The following EEFSEC variants were observed in gnomAD, a reference collection of about 807,000 sequenced individuals.
The protein encoded by EEFSEC is selenocysteine-specific elongation factor.
A neutral mutation model predicts 42.1 loss-of-function variants in EEFSEC; 43 were observed. The observed-to-expected ratio is 1.02, with a 90% CI of 0.80 to 1.32. EEFSEC has a LOEUF of 1.32. Among genes scored for constraint, EEFSEC ranks in the 40% most tolerant of loss-of-function variants. The probability of loss-of-function intolerance (pLI) is 0.00; values close to 1 mark genes in which losing one functional copy is unlikely to be tolerated. For missense variants in EEFSEC, 745 were observed against 803.6 expected (o/e 0.93, Z 0.88); for synonymous variants, 354 against 339.1 (o/e 1.04, Z -0.48).
intron 6 of EEFSEC, among the ~76,000 whole-genome samples, chr3:128,365,224 G>A (rs577149442): frequency 2.0e-5 from 3 of 152,352 alleles, no homozygotes; most frequent in South Asian, 2.1e-4. Context: ...CCTGGGTGGG[G>A]AGGGGGCTCC....
intron 4 of EEFSEC, among the ~76,000 whole-genome samples, chr3:128,308,796 T>G (rs1240892675): frequency 1.3e-5 from 2 of 152,080 alleles, no homozygotes; most frequent in Non-Finnish European, 2.9e-5. Context: ...TGGAAATGGG[T>G]CCTGTGCCCT....
Position 128,262,160 on chromosome 3 carries a change from C to T in EEFSEC, c.557C>T (p.Ala186Val), listed in dbSNP as rs1213363732. 1.2e-6 allele frequency: 2 copies of T among 1,614,122 alleles called. No homozygotes were observed. Among genetic ancestry groups the T allele is most frequent in the South Asian group, 1.1e-5 (1 of 91,076 alleles). The change falls in exon 3 of 7, where the codon GCC becomes GTC. Residue 186 changes from alanine (A) to valine (V), a missense_variant. By Grantham distance (64) the Ala-to-Val change is moderately conservative. Coordinates refer to ENST00000254730, the MANE Select transcript of EEFSEC (RefSeq NM_021937.5). Reference protein sequence around the residue: ...FRGAPIIPVAAKPGGPEAPET... With the variant: ...FRGAPIIPVAVKPGGPEAPET... ...GGTGCACCGATTATACCCGTGGCGGCCAAGCCGGGGGGACCAGAGGCCCCC... is the reference window on the plus strand; with the variant it reads ...GGTGCACCGATTATACCCGTGGCGGTCAAGCCGGGGGGACCAGAGGCCCCC...
At chr3:128,219,784 A>G (rs1053181979) in intron 1 of EEFSEC, among the ~76,000 whole-genome samples, 6 of 152,084 alleles carry the variant, frequency 3.9e-5, no homozygotes, top group Admixed American at 2.6e-4. Flanking sequence ...GAAAAAAAAA[A>G]AAGAAAAAAA....
intron 6 of EEFSEC, among the ~76,000 whole-genome samples, chr3:128,371,326 C>T (rs942746765): frequency 2.6e-5 from 4 of 152,106 alleles, no homozygotes; most frequent in Admixed American, 6.5e-5. Context: ...GGGTTCCCAT[C>T]GACACTGCTG....
intron 4 of EEFSEC, among the ~76,000 whole-genome samples, chr3:128,286,197 A>G (rs1283709003): frequency 2.0e-5 from 3 of 152,220 alleles, no homozygotes; most frequent in Non-Finnish European, 4.4e-5. Flanking sequence ...TGACTTGACT[A>G]TAGTTCATGA....
At chr3:128,235,944 T>TGG (rs761130240) in intron 1 of EEFSEC, among the ~76,000 whole-genome samples, 9 of 100,580 alleles carry the variant, frequency 8.9e-5, no homozygotes, top group African/African-American at 3.8e-4. Flanking sequence ...GGGCAAAGGT[T>TGG]TGTTTGTTTG....
rs760753689 is a variant in EEFSEC at position 128,348,293 on chromosome 3, CGT to C, written c.1443+6419_1443+6420del. Among the ~76,000 whole-genome samples the C allele has an allele frequency of 2.2e-3, 295 of 135,510 alleles. 1 individual carries two copies. Among genetic ancestry groups the C allele is most frequent in the Non-Finnish European group, 3.1e-3 (198 of 63,778 alleles). 88.9% of individuals were successfully genotyped at this position (135,510 alleles called of 152,430 possible). A position where few individuals can be genotyped will look rare whatever the true frequency, so the allele number is the denominator to read the frequency against. ...GTGCGTGTGCGTGTGTGTGTGTGTG[CGT>C]GTGTGTGTGTGTGTTCATTCTTTCA... On this transcript the variant is annotated intron_variant, in intron 5 of 6. Coordinates refer to ENST00000254730, the MANE Select transcript of EEFSEC (RefSeq NM_021937.5).
chr3:128,244,027 A>G (rs536324026), intron 1 of EEFSEC, among the ~76,000 whole-genome samples: 3 of 152,338 alleles, frequency 2.0e-5, no homozygotes, highest in African/African-American at 7.2e-5. Context: ...GAAGTCCTTA[A>G]GGAACGCATG....
chr3:128,413,001 G>T (rs77843217), downstream of EEFSEC, among the ~76,000 whole-genome samples: 4,645 of 152,248 alleles, frequency 0.031, 227 homozygotes, highest in African/African-American at 0.1. Context: ...GGGGCATGGT[G>T]TCCAGTTGGG....
At chr3:128,412,935 G>T (rs572205223), downstream of EEFSEC, among the ~76,000 whole-genome samples, 3 of 152,284 alleles carry the variant, frequency 2.0e-5, no homozygotes, top group East Asian at 1.9e-4. Flanking sequence ...GGCCTAGAAG[G>T]CTGTCTGCTG....
intron 1 of EEFSEC, among the ~76,000 whole-genome samples, chr3:128,226,030 G>A (rs1298258806): frequency 1.3e-5 from 2 of 152,226 alleles, no homozygotes; most frequent in East Asian, 1.9e-4. Flanking sequence ...ATATGCCGGA[G>A]AACAGAGCCC....
the EEFSEC span, among the ~76,000 whole-genome samples, chr3:128,425,857 G>A: frequency 1.3e-5 from 2 of 152,324 alleles, no homozygotes; most frequent in African/African-American, 4.8e-5. Flanking sequence ...GCCTTGCTGA[G>A]GTGAGTTTGA....
intron 4 of EEFSEC, among the ~76,000 whole-genome samples, chr3:128,340,353 T>C (rs1394512245): frequency 6.6e-6 from 1 of 150,576 alleles, no homozygotes; most frequent in Non-Finnish European, 1.5e-5. Context: ...TCATATAATA[T>C]TAATGTAGAT....
intron 6 of EEFSEC, among the ~76,000 whole-genome samples, chr3:128,382,741 T>C (rs1382537218): frequency 1.3e-5 from 2 of 152,094 alleles, no homozygotes; most frequent in African/African-American, 2.4e-5. Flanking sequence ...CATAAATTCC[T>C]GCCACTCTCA....
downstream of EEFSEC, among the ~76,000 whole-genome samples, chr3:128,412,592 G>A (rs138732065): frequency 6.6e-6 from 1 of 152,246 alleles, no homozygotes; most frequent in Admixed American, 6.5e-5. Flanking sequence ...GGAAGTGCTC[G>A]CTGGGGCCCG....
intron 1 of EEFSEC, among the ~76,000 whole-genome samples, chr3:128,232,012 TC>T (rs982542097): frequency 2.0e-5 from 3 of 152,154 alleles, no homozygotes; most frequent in Non-Finnish European, 4.4e-5. Context: ...TACTGTTTTG[TC>T]CAAAAATTCT....
At chr3:128,338,498 G>C (rs773160851) in intron 4 of EEFSEC, among the ~76,000 whole-genome samples, 4 of 152,150 alleles carry the variant, frequency 2.6e-5, no homozygotes, top group Non-Finnish European at 5.9e-5. Flanking sequence ...GCTGTGTCTG[G>C]AGTTATCAGA....
At chr3:128,320,850 GCTC>G (rs1289883545) in intron 4 of EEFSEC, among the ~76,000 whole-genome samples, 2 of 152,204 alleles carry the variant, frequency 1.3e-5, no homozygotes, top group Non-Finnish European at 2.9e-5. Context: ...AGCTTCCTGG[GCTC>G]ATGCCCCACT....
intron 4 of EEFSEC, among the ~76,000 whole-genome samples, chr3:128,321,211 C>T (rs1366132670): frequency 6.6e-6 from 1 of 152,030 alleles, no homozygotes; most frequent in Non-Finnish European, 1.5e-5. Context: ...TGCTGTGCTC[C>T]CGGGATGGGC....
Sources: gnomAD v4.1 joint callset for allele counts (sites outside exome capture counted in the v4.1 genomes callset) on GRCh38, gnomAD v4.1.1 for gene constraint, MANE v1.5 for transcripts, NCBI Gene and HGNC (gene_info 2026-07-23, HGNC 2026-07-21) for gene names.